The following DNAH9 variants were observed in gnomAD, a reference collection of about 807,000 sequenced individuals.
DNAH9 encodes the protein DNAH9 variant protein.
Under a neutral mutation model 471.6 loss-of-function variants are expected in DNAH9, and 345 were observed. That is an observed-to-expected ratio of 0.73 (90% confidence interval 0.67 to 0.80). The LOEUF (loss-of-function observed/expected upper bound fraction) is 0.80, where lower values mean the gene tolerates loss of function less well. Ranked by LOEUF, DNAH9 falls within the 30% of genes least tolerant of loss-of-function variation. The pLI, the probability that DNAH9 is intolerant of heterozygous loss-of-function variation, is 0.00. For synonymous variants in DNAH9, 2,093 were observed against 2,123.6 expected (o/e 0.99, Z 0.40); for missense variants, 5,407 against 5,609.2 (o/e 0.96, Z 1.15).
chr17:11,961,731 TTA>T, intron 67 of DNAH9, 134 bp from the exon 68 acceptor site: 1 of 1,103,120 alleles, frequency 9.1e-7, no homozygotes, highest in South Asian at 1.6e-5. Flanking sequence ...CCCTGGAGTT[TTA>T]TGTTCAAATG....
intron 31 of DNAH9, among the ~76,000 whole-genome samples, chr17:11,745,546 A>G (rs2075510224): frequency 6.6e-6 from 1 of 152,208 alleles, no homozygotes; most frequent in African/African-American, 2.4e-5. Flanking sequence ...CTTACCAGAT[A>G]TTGAAGAAAC....
chr17:11,767,108 C>T (rs112150412), intron 36 of DNAH9, among the ~76,000 whole-genome samples: 169 of 152,258 alleles, frequency 1.1e-3, no homozygotes, highest in East Asian at 7.1e-3. Context: ...GAGACAATGT[C>T]GGTGTGGCCC....
chr17:11,613,706 T>G (rs1002062533), intron 4 of DNAH9, among the ~76,000 whole-genome samples: 1 of 152,226 alleles, frequency 6.6e-6, no homozygotes, highest in Non-Finnish European at 1.5e-5. Flanking sequence ...TTTCATGTTG[T>G]CTAATTTAGT....
rs539416214 is a variant in DNAH9 at position 11,937,976 on chromosome 17, C to T, written c.12660+454C>T. 3.3e-5 allele frequency among the ~76,000 whole-genome samples: 5 copies of T among 152,318 alleles called. No homozygotes were observed. Among genetic ancestry groups the T allele is most frequent in the South Asian group, 2.1e-4 (1 of 4,824 alleles). On this transcript the variant is annotated intron_variant, in intron 66 of 68. Transcript: ENST00000262442. This position sits in a 1 kb window ranked among gnomAD's most constrained non-coding sequence, Gnocchi z 4.1. Reference sequence around the variant, plus strand: ...AGAACACAGTCCTTCATAATGCAAACGCCTTCCCTTCGTGTGAATGGCTTC... The same window carrying T: ...AGAACACAGTCCTTCATAATGCAAATGCCTTCCCTTCGTGTGAATGGCTTC...
intron 43 of DNAH9, among the ~76,000 whole-genome samples, chr17:11,803,489 C>G (rs1402030196): frequency 3.3e-5 from 5 of 152,178 alleles, no homozygotes. Context: ...TGTTTTTAAT[C>G]TCTCAGAAAT....
chr17:11,902,633 G>T, intron 59 of DNAH9, 86 bp from the exon 60 acceptor site: 2 of 1,202,670 alleles, frequency 1.7e-6, no homozygotes, highest in Non-Finnish European at 2.4e-6. Context: ...GTGTAGATAA[G>T]ACCATCTGGC....
In DNAH9 at chr17:11,717,611, G is replaced by A. The variant is rs577960051; in HGVS notation, c.5553-1723G>A. Reference sequence around the variant, plus strand: ...TAGATATTAAAAAGTTAGAACAGTGGCACAATTGTATCAGCTTTATTGAGG... The same window carrying A: ...TAGATATTAAAAAGTTAGAACAGTGACACAATTGTATCAGCTTTATTGAGG... On this transcript the variant is annotated intron_variant, in intron 26 of 68. Transcript: ENST00000262442. Among the ~76,000 whole-genome samples the A allele has an allele frequency of 3.9e-5, 6 of 152,190 alleles. No homozygotes were observed. In the East Asian group the frequency reaches 9.7e-4, roughly 24 times the overall value.
intron 29 of DNAH9, among the ~76,000 whole-genome samples, chr17:11,741,551 C>A (rs945847505): frequency 6.6e-6 from 1 of 152,264 alleles, no homozygotes; most frequent in South Asian, 2.1e-4. Context: ...AGGAGACACA[C>A]ATTTGGAGAA....
At chr17:11,713,609 A>G (rs1300892805) in intron 26 of DNAH9, among the ~76,000 whole-genome samples, 1 of 152,056 alleles carries the variant, frequency 6.6e-6, no homozygotes, top group East Asian at 1.9e-4. Flanking sequence ...ATGAGGTTCA[A>G]CTTATGAATT....
intron 67 of DNAH9, among the ~76,000 whole-genome samples, chr17:11,960,769 A>G (rs964430486): frequency 2.6e-5 from 4 of 152,054 alleles, no homozygotes; most frequent in Non-Finnish European, 5.9e-5. Flanking sequence ...CAGAAAAAAA[A>G]AGAATTCCAA....
At chr17:11,800,497 A>G (rs541810949) in intron 43 of DNAH9, among the ~76,000 whole-genome samples, 5 of 151,844 alleles carry the variant, frequency 3.3e-5, no homozygotes, top group African/African-American at 9.7e-5. Flanking sequence ...ATAATAAACT[A>G]TTCCTTGCCT....
At position 11,628,825 on chromosome 17, in the gene DNAH9, C is replaced by G. The variant is rs2073014779; in HGVS notation, c.1351-592C>G. Among the ~76,000 whole-genome samples the G allele has an allele frequency of 2.0e-5, 3 of 151,910 alleles. No homozygotes were observed. In the South Asian group the frequency reaches 6.3e-4, roughly 32 times the overall value. ...TTACATTTTATTATTTGTTAAAGAC[C>G]ACAAAGACATAGAGAGGTGGAAGCA... On this transcript the variant is annotated intron_variant, in intron 6 of 68. Transcript: ENST00000262442.
chr17:11,705,214 C>G, intron 26 of DNAH9, 29 bp downstream of exon 26: 3 of 1,604,498 alleles, frequency 1.9e-6, no homozygotes, highest in Non-Finnish European at 2.6e-6. Context: ...CACTGACAGC[C>G]TTACTGCTGT....
At chr17:11,782,758 G>A (rs1475363642) in intron 39 of DNAH9, among the ~76,000 whole-genome samples, 1 of 152,116 alleles carries the variant, frequency 6.6e-6, no homozygotes, top group Non-Finnish European at 1.5e-5. Context: ...TTAGCTGGAT[G>A]TGGGGGCCCA....
chr17:11,707,228 A>G (rs1260673033), intron 26 of DNAH9, among the ~76,000 whole-genome samples: 1 of 152,216 alleles, frequency 6.6e-6, no homozygotes, highest in Non-Finnish European at 1.5e-5. Context: ...GTTCACTGAG[A>G]TGAATGACTT....
At chr17:11,948,072 G>A (rs1333730761) in intron 67 of DNAH9, among the ~76,000 whole-genome samples, 5 of 151,682 alleles carry the variant, frequency 3.3e-5, no homozygotes, top group Non-Finnish European at 7.4e-5. Context: ...GCCAGGAACT[G>A]ATTTTTATCA....
At chr17:11,756,707 C>T (rs376743543) in intron 34 of DNAH9, 31 bp downstream of exon 34, 1 of 1,379,576 alleles carries the variant, frequency 7.2e-7, no homozygotes, top group African/African-American at 1.4e-5. Context: ...AACCACAAAG[C>T]TACTCCACTT....
Position 11,608,137 on chromosome 17 carries a change from AC to A in DNAH9, c.429del (p.Val144SerfsTer9). ...GTGCACCTCTGTTCCAGGTTGTTCTACCCGTCCTGGCCAATGAGAAGAATCG... is the reference window on the plus strand; with the variant it reads ...GTGCACCTCTGTTCCAGGTTGTTCTACCGTCCTGGCCAATGAGAAGAATCG... ...LAALFSEVVL[P>X]VLANEKNRLN... On this transcript the variant is annotated frameshift_variant, in exon 2 of 69. Coordinates refer to ENST00000262442, the MANE Select transcript of DNAH9 (RefSeq NM_001372.4). LOFTEE classifies it high-confidence loss of function. 1.9e-6 allele frequency: 3 copies of A among 1,596,258 alleles called. No homozygotes were observed. Among genetic ancestry groups the A allele is most frequent in the Non-Finnish European group, 2.6e-6 (3 of 1,167,190 alleles).
At chr17:11,806,356 A>T (rs1477158021) in intron 43 of DNAH9, among the ~76,000 whole-genome samples, 3 of 152,192 alleles carry the variant, frequency 2.0e-5, no homozygotes, top group Non-Finnish European at 2.9e-5. Flanking sequence ...ATATAAACTT[A>T]AAAAATATAT....
Sources: gnomAD v4.1 joint callset for allele counts (sites outside exome capture counted in the v4.1 genomes callset) on GRCh38, gnomAD v4.1.1 for gene constraint, Gnocchi (gnomAD v3.1) non-coding constraint, MANE v1.5 for transcripts, NCBI Gene and HGNC (gene_info 2026-07-23, HGNC 2026-07-21) for gene names.